Variants in IL1RAPL1 observed in about 807,000 individuals in gnomAD.
IL1RAPL1 encodes the protein interleukin 1 receptor accessory protein like 1.
IL1RAPL1 carries 3 observed loss-of-function variants against 48.4 expected under a neutral mutation model. The ratio of observed to expected loss-of-function variants is 0.06; its 90% CI spans 0.03 to 0.16. The LOEUF (loss-of-function observed/expected upper bound fraction) is 0.16. Ranked by LOEUF, IL1RAPL1 falls within the 10% of genes least tolerant of loss-of-function variation. The probability of loss-of-function intolerance (pLI) is 1.00; values close to 1 mark genes in which losing one functional copy is unlikely to be tolerated. For missense variants in IL1RAPL1, 349 were observed against 530.6 expected (o/e 0.66, Z 3.36); for synonymous variants, 185 against 187.7 (o/e 0.99, Z 0.12).
chrX:29,000,365 A>T (rs1006175707), intron 2 of IL1RAPL1, among the ~76,000 whole-genome samples: 1 of 110,815 alleles, frequency 9.0e-6, no homozygotes, highest in Non-Finnish European at 1.9e-5. Flanking sequence ...TCTCATTTCC[A>T]CCCTAGAAGT....
intron 2 of IL1RAPL1, among the ~76,000 whole-genome samples, chrX:29,235,962 T>C (rs1931283566): frequency 8.9e-6 from 1 of 112,119 alleles, no homozygotes; most frequent in Non-Finnish European, 1.9e-5. Flanking sequence ...TGATGCCTCA[T>C]TGAACATAAT....
intron 3 of IL1RAPL1, among the ~76,000 whole-genome samples, chrX:29,334,560 G>A (rs1932950266): frequency 4.5e-5 from 5 of 111,477 alleles, no homozygotes; most frequent in African/African-American, 6.5e-5. Flanking sequence ...CTTCTCAGAC[G>A]GGGCGGTTGC....
At chrX:29,333,043 A>T (rs1244484477) in intron 3 of IL1RAPL1, among the ~76,000 whole-genome samples, 5 of 112,261 alleles carry the variant, frequency 4.5e-5, no homozygotes, top group African/African-American at 1.3e-4. Flanking sequence ...TCCCATGTCT[A>T]CTTCTATCCA....
chrX:29,232,949 C>T (rs1014214563), intron 2 of IL1RAPL1, among the ~76,000 whole-genome samples: 3 of 109,348 alleles, frequency 2.7e-5, no homozygotes, highest in African/African-American at 1.0e-4. Context: ...CAGGCACCCG[C>T]CACCGCACCC....
chrX:29,104,647 G>A (rs1006306983), intron 2 of IL1RAPL1, among the ~76,000 whole-genome samples: 3 of 111,051 alleles, frequency 2.7e-5, no homozygotes, highest in African/African-American at 9.8e-5. Context: ...TAACACAAAG[G>A]ATAAATGCTT....
intron 3 of IL1RAPL1, among the ~76,000 whole-genome samples, chrX:29,371,924 T>C (rs1933551421): frequency 8.9e-6 from 1 of 112,210 alleles, no homozygotes; most frequent in Non-Finnish European, 1.9e-5. Context: ...GTCTTTTTGG[T>C]AGAATGATTT....
At chrX:29,414,907 T>C (rs1477575349) in intron 5 of IL1RAPL1, among the ~76,000 whole-genome samples, 2 of 111,658 alleles carry the variant, frequency 1.8e-5, no homozygotes, top group African/African-American at 6.5e-5. Flanking sequence ...GTGGAAAGAT[T>C]AGCAAGATAA....
intron 2 of IL1RAPL1, among the ~76,000 whole-genome samples, chrX:28,952,571 GT>G (rs767579550): frequency 9.1e-6 from 1 of 110,369 alleles, no homozygotes; most frequent in Non-Finnish European, 1.9e-5. Flanking sequence ...TTATTTTTAT[GT>G]TTTTTTTCCA....
chrX:29,610,260 T>G (rs760729474), intron 5 of IL1RAPL1, among the ~76,000 whole-genome samples: 1 of 111,793 alleles, frequency 8.9e-6, no homozygotes, highest in East Asian at 2.8e-4. Context: ...GGAGATTAGT[T>G]CCAGTAGAAA....
chrX:29,622,425 T>C (rs1355907887), intron 5 of IL1RAPL1, among the ~76,000 whole-genome samples: 1 of 112,464 alleles, frequency 8.9e-6, no homozygotes, highest in Non-Finnish European at 1.9e-5. Context: ...ATATTTAATA[T>C]ACATCTGCTG....
At chrX:28,603,846 A>T (rs1306384168) in intron 1 of IL1RAPL1, among the ~76,000 whole-genome samples, 3 of 112,617 alleles carry the variant, frequency 2.7e-5, no homozygotes, top group African/African-American at 9.7e-5. Context: ...TGTTACTGGT[A>T]TAGTAAAGTT....
chrX:28,962,886 G>A (rs1239851570), intron 2 of IL1RAPL1, among the ~76,000 whole-genome samples: 2 of 94,148 alleles, frequency 2.1e-5, no homozygotes, highest in African/African-American at 7.9e-5. Context: ...GTGTGTATGT[G>A]TGTGTGTGTG....
chrX:28,752,866 C>G (rs1339127847), intron 1 of IL1RAPL1, among the ~76,000 whole-genome samples: 1 of 112,050 alleles, frequency 8.9e-6, no homozygotes, highest in Admixed American at 9.5e-5. Flanking sequence ...GATCCCTATG[C>G]CTCCTATTAT....
intron 6 of IL1RAPL1, among the ~76,000 whole-genome samples, chrX:29,773,508 G>A (rs769171790): frequency 4.4e-5 from 5 of 112,390 alleles, no homozygotes; most frequent in African/African-American, 1.3e-4. Context: ...AACTACATAC[G>A]AAAGAGTTTA....
chrX:29,456,442 T>C (rs758554053), intron 5 of IL1RAPL1, among the ~76,000 whole-genome samples: 1 of 111,827 alleles, frequency 8.9e-6, no homozygotes, highest in Non-Finnish European at 1.9e-5. Flanking sequence ...AAGACTTTTG[T>C]TGAAAGGAAC....
intron 6 of IL1RAPL1, among the ~76,000 whole-genome samples, chrX:29,760,135 T>C: frequency 9.0e-6 from 1 of 111,598 alleles, no homozygotes; most frequent in East Asian, 2.8e-4. Context: ...TGCACAATCA[T>C]TGCGAGATGG....
At chrX:29,893,015 G>GAGAT (rs762133092) in intron 6 of IL1RAPL1, among the ~76,000 whole-genome samples, 1 of 111,828 alleles carries the variant, frequency 8.9e-6, no homozygotes, top group East Asian at 2.8e-4. Context: ...GTTTCATTAA[G>GAGAT]AGATAGGTTT....
intron 6 of IL1RAPL1, among the ~76,000 whole-genome samples, chrX:29,904,760 T>C (rs1041415884): frequency 4.5e-5 from 5 of 111,955 alleles, no homozygotes; most frequent in Non-Finnish European, 7.5e-5. Flanking sequence ...ATTTTCTTTT[T>C]CCAGTCTATC....
At chrX:29,261,290 T>C in intron 2 of IL1RAPL1, among the ~76,000 whole-genome samples, 1 of 111,454 alleles carries the variant, frequency 9.0e-6, no homozygotes, top group Non-Finnish European at 1.9e-5. Context: ...AGATAATGTC[T>C]TCAATGTTAT....
Sources: allele counts gnomAD v4.1 joint callset (sites outside exome capture counted in the v4.1 genomes callset), GRCh38; gene constraint gnomAD v4.1.1; transcripts MANE v1.5; gene names NCBI Gene and HGNC (gene_info 2026-07-23, HGNC 2026-07-21).